Variants in ATCAY observed in about 807,000 individuals in gnomAD.
ATCAY encodes the protein ATCAY kinesin light chain interacting caytaxin.
In ATCAY, 22 loss-of-function variants were observed where a neutral mutation model predicts 47.7. That is an observed-to-expected ratio of 0.46 (90% CI 0.33 to 0.66). ATCAY has a LOEUF of 0.66. ATCAY is among the 30% of genes least tolerant of loss of function. ATCAY has a pLI of 0.02. For synonymous variants in ATCAY, 216 were observed against 207.6 expected (o/e 1.04, Z -0.35); for missense variants, 452 against 515.0 (o/e 0.88, Z 1.18).
chr19:3,883,531 TG>T (rs2038621488), intron 1 of ATCAY, among the ~76,000 whole-genome samples: 1 of 152,154 alleles, frequency 6.6e-6, no homozygotes, highest in Non-Finnish European at 1.5e-5. Context: ...TTCTCCACCT[TG>T]GATCTATGGA....
At chr19:3,917,816 C>G in intron 10 of ATCAY, 39 bp downstream of exon 10, 1 of 1,600,854 alleles carries the variant, frequency 6.2e-7, no homozygotes. Flanking sequence ...TGGGTCGGGG[C>G]AGCGGGGGGC....
At chr19:3,899,875 A>T (rs993320630) in intron 2 of ATCAY, among the ~76,000 whole-genome samples, 2 of 152,180 alleles carry the variant, frequency 1.3e-5, no homozygotes, top group Admixed American at 6.6e-5. Context: ...TGCGGCTTCA[A>T]GAAGTGATCT....
At chr19:3,905,385 T>A (rs1378678321) in intron 3 of ATCAY, 49 bp from the exon 4 acceptor site, 1 of 1,508,390 alleles carries the variant, frequency 6.6e-7, no homozygotes, top group Non-Finnish European at 8.9e-7. Context: ...GGGGGGAAGG[T>A]AAAAGAGAGA....
At chr19:3,881,447 G>C (rs1020729944) in intron 1 of ATCAY, among the ~76,000 whole-genome samples, 10 of 151,678 alleles carry the variant, frequency 6.6e-5, no homozygotes, top group Admixed American at 2.6e-4. Context: ...GGGGAGGAAG[G>C]GGGTGGTTTA....
chr19:3,898,842 C>T (rs1350956151), intron 2 of ATCAY, among the ~76,000 whole-genome samples: 1 of 152,110 alleles, frequency 6.6e-6, no homozygotes, highest in East Asian at 1.9e-4. Context: ...CCACCATGTC[C>T]AGCTAATTTT....
intron 9 of ATCAY, among the ~76,000 whole-genome samples, 163 bp from the exon 10 acceptor site, chr19:3,917,579 C>CT (rs2038976437): frequency 1.8e-5 from 1 of 55,742 alleles, no homozygotes. Flanking sequence ...TGCAAGACTC[C>CT]ATCTCAAAAA....
intron 2 of ATCAY, among the ~76,000 whole-genome samples, chr19:3,897,263 C>CTATATATATATATA (rs10677459): frequency 6.9e-6 from 1 of 143,950 alleles, no homozygotes; most frequent in African/African-American, 2.6e-5. Context: ...TTGAAGTTTG[C>CTATATATATATATA]TATATATATA....
At chr19:3,900,857 A>T (rs987050821) in intron 2 of ATCAY, among the ~76,000 whole-genome samples, 25 of 141,938 alleles carry the variant, frequency 1.8e-4, no homozygotes, top group African/African-American at 6.5e-4. Context: ...TTTTGGAATG[A>T]CATCACTATA....
intron 9 of ATCAY, among the ~76,000 whole-genome samples, chr19:3,915,354 T>G (rs896097472): frequency 1.3e-5 from 2 of 150,446 alleles, no homozygotes. Context: ...TTTTTTTTTT[T>G]TTGTATTTTT....
rs1025480243 is a variant in ATCAY at position 3,890,623 on chromosome 19, C to A, written c.77+4779C>A. On this transcript the variant is annotated intron_variant, in intron 2 of 12. Coordinates refer to ENST00000450849, the MANE Select transcript of ATCAY (RefSeq NM_033064.5). ...AGCCTTCTTGAGACAAAAACCAAGG[C>A]CGAGCGCACCTGCAAATGCAAGCTG... is the stretch of plus-strand genomic sequence containing the variant. Among the ~76,000 whole-genome samples the A allele has an allele frequency of 2.0e-5, 3 of 152,144 alleles. No individual in the cohort carries two copies. The South Asian group carries it at 6.2e-4, about 31-fold the overall frequency.
intron 1 of ATCAY, among the ~76,000 whole-genome samples, chr19:3,882,851 A>G (rs1230039150): frequency 1.3e-5 from 2 of 151,728 alleles, no homozygotes; most frequent in Non-Finnish European, 2.9e-5. Context: ...GTGTCTTGCT[A>G]TGTTGCCCAG....
At chr19:3,913,711 C>T (rs759262271) in intron 8 of ATCAY, 47 bp from the exon 9 acceptor site, 17 of 1,496,182 alleles carry the variant, frequency 1.1e-5, no homozygotes, top group South Asian at 4.6e-5. Context: ...GTAACCCCCA[C>T]CCCATGGGTT....
chr19:3,899,380 C>A lies in ATCAY; in HGVS notation c.78-3107C>A, dbSNP rs776279465. The stretch of plus-strand genomic sequence containing the variant: ...CCAGGCTGGAGTGCAATGGCACGAT[C>A]TCGGCTCACCGCAACCTCCGCCTCC... On this transcript the variant is annotated intron_variant, in intron 2 of 12. Transcript: ENST00000450849. Among the ~76,000 whole-genome samples the A allele has an allele frequency of 5.8e-5, 8 of 138,472 alleles. No homozygotes were observed. The Admixed American group carries it at 6.4e-4, about 11-fold the overall frequency. 90.8% of individuals were successfully genotyped at this position (138,472 alleles called of 152,430 possible).
At position 3,887,642 on chromosome 19, in the gene ATCAY, A is replaced by G. The variant is rs556908735; in HGVS notation, c.77+1798A>G. On this transcript the variant is annotated intron_variant, in intron 2 of 12. Coordinates refer to ENST00000450849, the MANE Select transcript of ATCAY (RefSeq NM_033064.5). Reference sequence around the variant, plus strand: ...GCTGGGACTACGGGCACCCGCCACCACGCCCGGCTAATTTTTTGTATTTTT... The same window carrying G: ...GCTGGGACTACGGGCACCCGCCACCGCGCCCGGCTAATTTTTTGTATTTTT... Among the ~76,000 whole-genome samples the G allele has an allele frequency of 1.4e-4, 21 of 150,214 alleles. No homozygotes were observed. In the East Asian group the frequency reaches 4.1e-3, roughly 29 times the overall value.
chr19:3,910,803 G>A lies in ATCAY; in HGVS notation c.780G>A (p.Arg260=). The change falls in exon 8 of 13, where the codon AGG becomes AGA. Residue 260 remains arginine (R), a splice_region_variant and synonymous_variant. Coordinates refer to ENST00000450849, the MANE Select transcript of ATCAY (RefSeq NM_033064.5). ...LKKCYQMIDR[R]LRKNLKSLII... ...TTGCTTCCTTTGCGGCCCCACACAG[G>A]TTGCGGAAAAACCTGAAGTCCTTGA... 1 of 1,613,994 alleles carries A rather than the reference G, an allele frequency of 6.2e-7. No individual in the cohort carries two copies. The highest frequency in any genetic ancestry group is 8.5e-7 in the Non-Finnish European group (1 of 1,179,886).
intron 1 of ATCAY, among the ~76,000 whole-genome samples, chr19:3,885,019 C>T (rs1283292812): frequency 6.7e-6 from 1 of 148,716 alleles, no homozygotes; most frequent in Non-Finnish European, 1.5e-5. Context: ...AGGAGGATTG[C>T]TTAAGCCCAG....
At chr19:3,917,866 G>A in intron 10 of ATCAY, 89 bp downstream of exon 10, 1 of 1,455,270 alleles carries the variant, frequency 6.9e-7, no homozygotes, top group Non-Finnish European at 9.4e-7. Flanking sequence ...GTGACTTCTG[G>A]GCAGCAGGGA....
At chr19:3,905,715 G>A (rs1452534145) in intron 4 of ATCAY, 60 bp downstream of exon 4, 17 of 1,438,690 alleles carry the variant, frequency 1.2e-5, no homozygotes, top group Middle Eastern at 2.5e-4. Flanking sequence ...CCACCTTTCC[G>A]TCTCTGGATT....
chr19:3,922,455 C>T (rs919686954), intron 12 of ATCAY, among the ~76,000 whole-genome samples: 4 of 152,136 alleles, frequency 2.6e-5, no homozygotes, highest in Admixed American at 6.5e-5. Context: ...CTCACTACCA[C>T]GAGAACAGCA....
Sources: gnomAD v4.1 joint callset for allele counts (sites outside exome capture counted in the v4.1 genomes callset) on GRCh38, gnomAD v4.1.1 for gene constraint, MANE v1.5 for transcripts, NCBI Gene and HGNC (gene_info 2026-07-23, HGNC 2026-07-21) for gene names.